The following LIMK2 variants were observed in gnomAD, a reference collection of about 807,000 sequenced individuals.
LIMK2 encodes the protein LIM domain kinase 2.
Under a neutral mutation model 75.7 loss-of-function variants are expected in LIMK2, and 35 were observed. That is an observed-to-expected ratio of 0.46 (90% CI 0.35 to 0.61). The LOEUF is 0.61. LIMK2 is among the 20% of genes least tolerant of loss of function. The pLI, the probability that LIMK2 is intolerant of heterozygous loss-of-function variation, is 0.00. For missense variants in LIMK2, 623 were observed against 831.0 expected (o/e 0.75, Z 3.08); for synonymous variants, 301 against 319.2 (o/e 0.94, Z 0.61).
chr22:31,266,544 G>A (rs575924160), intron 8 of LIMK2, among the ~76,000 whole-genome samples: 1 of 152,112 alleles, frequency 6.6e-6, no homozygotes, highest in Non-Finnish European at 1.5e-5. Flanking sequence ...CTGGGAGGGG[G>A]GGTCAGGTAA....
chr22:31,267,065 A>C lies in LIMK2; in HGVS notation c.1123A>C (p.Thr375Pro). ...TGAGGAGACCCAGAAAACTTTTCTG[A>C]CTGAGGTAAGAAGATGGAGGGGGCC... ...CDEETQKTFL[T>P]EVKVMRSLDH... The change falls in exon 9 of 16, where the codon ACT (threonine) becomes CCT (proline). Residue 375 changes from threonine to proline, a missense_variant. By Grantham distance (38) the Thr-to-Pro change is conservative (BLOSUM62 -1). Transcript: ENST00000331728. 1.3e-6 allele frequency: 2 copies of C among 1,599,558 alleles called. No individual in the cohort carries two copies. The highest frequency in any genetic ancestry group is 1.7e-6 in the Non-Finnish European group (2 of 1,169,782).
intron 4 of LIMK2, 44 bp downstream of exon 4, chr22:31,259,274 G>A (rs1407182525): frequency 5.4e-6 from 7 of 1,298,038 alleles, no homozygotes; most frequent in Non-Finnish European, 7.8e-6. Flanking sequence ...TATAAGAGTG[G>A]CTGGCGGGGA....
chr22:31,221,306 G>T (rs1428353322), intron 1 of LIMK2, among the ~76,000 whole-genome samples: 1 of 151,714 alleles, frequency 6.6e-6, no homozygotes, highest in African/African-American at 2.4e-5. Flanking sequence ...CTTTGCACAT[G>T]TCCCCCCTCT....
Position 31,279,411 on chromosome 22 carries a change from A to G in LIMK2, c.*970A>G, listed in dbSNP as rs2049064163. On this transcript the variant is annotated 3_prime_UTR_variant, in exon 16 of 16. Transcript: ENST00000331728. ...TCAGCAATCTCTTGGTCTTGGCTTC[A>G]TGGCAACCACTGCTCACCCTTCAAC... The G allele has an allele frequency of 6.6e-6, 1 of 152,306 alleles. No homozygotes were observed. The highest frequency in any genetic ancestry group is 1.5e-5 in the Non-Finnish European group (1 of 68,088). 9.4% of individuals were successfully genotyped at this position (152,306 alleles called of 1,614,324 possible).
chr22:31,229,223 T>C (rs1426754533), intron 2 of LIMK2, among the ~76,000 whole-genome samples: 1 of 152,232 alleles, frequency 6.6e-6, no homozygotes, highest in Admixed American at 6.5e-5. Context: ...CCAGCTGTGC[T>C]GAAGGAGCAC....
intron 2 of LIMK2, chr22:31,248,693 C>T: frequency 6.2e-7 from 1 of 1,614,170 alleles, no homozygotes. Context: ...GCAGCTGAGC[C>T]TGTCTATCTG....
chr22:31,230,378 A>G (rs1375578959), intron 2 of LIMK2, among the ~76,000 whole-genome samples: 1 of 152,162 alleles, frequency 6.6e-6, no homozygotes, highest in East Asian at 1.9e-4. Flanking sequence ...GCCTCTTGGC[A>G]TGTTAGCAAG....
chr22:31,260,155 A>G (rs1464758248), intron 5 of LIMK2, 78 bp downstream of exon 5: 1 of 1,205,920 alleles, frequency 8.3e-7, no homozygotes, highest in Non-Finnish European at 1.1e-6. Context: ...TAGACCTCCA[A>G]AGTCTCATGC....
chr22:31,221,691 G>T (rs1292980373), intron 1 of LIMK2, among the ~76,000 whole-genome samples: 1 of 151,970 alleles, frequency 6.6e-6, no homozygotes, highest in Admixed American at 6.6e-5. Context: ...CACCATATTG[G>T]CCAGGCTGGT....
intron 1 of LIMK2, among the ~76,000 whole-genome samples, chr22:31,222,372 CTTTTTTTTTTT>C (rs3068235): frequency 0.031 from 1,719 of 55,306 alleles, 34 homozygotes; most frequent in Middle Eastern, 0.093. Context: ...TGCCCAGCCT[CTTTTTTTTTTT>C]TTTTTTTTTT....
At position 31,247,706 on chromosome 22, in the gene LIMK2, T is replaced by C. The variant is rs115298201; in HGVS notation, c.117-10585T>C. ...TTGAGTGAGTTACCTAATCTCTCTG[T>C]ACCTCACTTTTCTTGTCTGTAGAGT... On this transcript the variant is annotated intron_variant, in intron 2 of 15. Transcript: ENST00000331728. Among the ~76,000 whole-genome samples the C allele has an allele frequency of 2.6e-3, 400 of 152,348 alleles. 2 individuals carry two copies. Among genetic ancestry groups the C allele is most frequent in the African/African-American group, 9.4e-3 (389 of 41,574 alleles).
At position 31,262,617 on chromosome 22, in the gene LIMK2, C is replaced by T. The variant is rs575869944; in HGVS notation, c.680C>T (p.Thr227Met). 2.9e-4 allele frequency: 468 copies of T among 1,612,986 alleles called. 11 individuals carry two copies. The South Asian group carries it at 4.4e-3, about 15-fold the overall frequency. ...VEEVEDAISQ[T>M]SQTLQLLIEH... The stretch of plus-strand genomic sequence containing the variant: ...CAGGTGGAGGATGCAATTAGCCAGA[C>T]GAGCCAGACACTTCAGCTGTTGATT... The change falls in exon 7 of 16, where the codon ACG (threonine) becomes ATG (methionine). Residue 227 changes from threonine (T) to methionine (M), a missense_variant. Coordinates refer to ENST00000331728, the MANE Select transcript of LIMK2 (RefSeq NM_005569.4). The surrounding 1 kb of genome is among the most constrained non-coding windows in gnomAD (Gnocchi z 5.0).
chr22:31,248,572 C>G (rs749219566), intron 2 of LIMK2: 1 of 1,604,410 alleles, frequency 6.2e-7, no homozygotes, highest in East Asian at 2.2e-5. Flanking sequence ...GCAGCTGCTC[C>G]GGAGGGAGAG....
chr22:31,243,560 G>T (rs1351359717), intron 2 of LIMK2, among the ~76,000 whole-genome samples: 1 of 152,206 alleles, frequency 6.6e-6, no homozygotes, highest in African/African-American at 2.4e-5. Context: ...TGTCACAGAC[G>T]CTTTGAAGAC....
In LIMK2 at chr22:31,278,605, G is replaced by T; in HGVS notation, c.*164G>T. 1 of 584,116 alleles carries T rather than the reference G, an allele frequency of 1.7e-6. No individual in the cohort carries two copies. Among genetic ancestry groups the T allele is most frequent in the Non-Finnish European group, 2.8e-6 (1 of 360,188 alleles). The allele number at this position is 584,116 out of a possible 1,614,324, so 36.2% of individuals were successfully genotyped here. On this transcript the variant is annotated 3_prime_UTR_variant, in exon 16 of 16. Coordinates refer to ENST00000331728, the MANE Select transcript of LIMK2 (RefSeq NM_005569.4). ...CCTCCCCAGGAGGCAAGTGGGCGCA[G>T]CACCAGGGAAATGTATCTCCACAGG... is the stretch of plus-strand genomic sequence containing the variant.
At chr22:31,219,671 A>G (rs1403250843) in intron 1 of LIMK2, among the ~76,000 whole-genome samples, 1 of 152,108 alleles carries the variant, frequency 6.6e-6, no homozygotes, top group Non-Finnish European at 1.5e-5. Context: ...TCCCGGGTTC[A>G]TGCCATTCTC....
At chr22:31,276,873 G>A (rs1240491852) in intron 15 of LIMK2, 2 of 1,612,514 alleles carry the variant, frequency 1.2e-6, no homozygotes, top group Non-Finnish European at 1.7e-6. Flanking sequence ...TCACCATCAA[G>A]TATGACCCCA....
At chr22:31,259,020 C>G (rs751753016) in intron 3 of LIMK2, 101 bp from the exon 4 acceptor site, 1 of 681,762 alleles carries the variant, frequency 1.5e-6, no homozygotes, top group African/African-American at 1.7e-5. Flanking sequence ...TGACGGGGGC[C>G]TTGCTTGGAG....
intron 9 of LIMK2, 89 bp from the exon 10 acceptor site, chr22:31,267,687 C>T: frequency 1.4e-6 from 2 of 1,435,664 alleles, no homozygotes; most frequent in East Asian, 2.3e-5. Flanking sequence ...CAGGTGGTAA[C>T]ACTTGTCAAG....
Sources: gnomAD v4.1 joint callset for allele counts (sites outside exome capture counted in the v4.1 genomes callset) on GRCh38, gnomAD v4.1.1 for gene constraint, Gnocchi (gnomAD v3.1) non-coding constraint, MANE v1.5 for transcripts, NCBI Gene and HGNC (gene_info 2026-07-23, HGNC 2026-07-21) for gene names.